The following CATSPER2 variants were observed in gnomAD, a reference collection of about 807,000 sequenced individuals.
CATSPER2 encodes the protein cation channel sperm associated 2, also known as cation channel sperm-associated protein 2.
A neutral mutation model predicts 68.8 loss-of-function variants in CATSPER2; 56 were observed. That is an observed-to-expected ratio of 0.81 (90% CI 0.66 to 1.02). The LOEUF is 1.02. CATSPER2 is among the 50% of genes least tolerant of loss of function. The probability of loss-of-function intolerance (pLI) is 0.00; values close to 1 mark genes in which losing one functional copy is unlikely to be tolerated. For synonymous variants in CATSPER2, 198 were observed against 229.9 expected (o/e 0.86, Z 1.26); for missense variants, 582 against 642.0 (o/e 0.91, Z 1.01).
Position 43,630,269 on chromosome 15 carries a change from A to G in CATSPER2, c.*432T>C, listed in dbSNP as rs1448616608. 1 of 252,580 alleles carries G rather than the reference A, an allele frequency of 4.0e-6. No individual in the cohort carries two copies. 15.6% of individuals were successfully genotyped at this position (252,580 alleles called of 1,614,324 possible). ...GCTGGGACTAGAGGCACACATCACC[A>G]CACTCAGCTTGAACTAACTCTTTTA... On this transcript the variant is annotated 3_prime_UTR_variant, in exon 13 of 13. Coordinates refer to ENST00000396879, the MANE Select transcript of CATSPER2 (RefSeq NM_172095.4).
chr15:43,635,259 T>C, intron 10 of CATSPER2, 101 bp downstream of exon 10: 2 of 1,086,630 alleles, frequency 1.8e-6, no homozygotes, highest in Non-Finnish European at 2.8e-6. Context: ...TATGCAGTTA[T>C]TAAATGAATG....
At position 43,636,142 on chromosome 15, in the gene CATSPER2, C is replaced by G. The variant is rs146701338; in HGVS notation, c.920G>C (p.Trp307Ser). ...GATGCGACTGACTTCAGGCACCTTCCAGACGTCCTGAAGCAGTGCATACCA... is the reference window on the plus strand; with the variant it reads ...GATGCGACTGACTTCAGGCACCTTCGAGACGTCCTGAAGCAGTGCATACCA... ...DHWYALLQDV[W>S]KVPEVSRIFS... Residue 307 changes from tryptophan to serine, a missense_variant, in exon 8 of 13, where the codon TGG becomes TCG. Trp to Ser is a radical substitution (Grantham distance 177). Transcript: ENST00000396879. The G allele has an allele frequency of 3.0e-3, 4,844 of 1,607,824 alleles. 55 individuals carry two copies. Among genetic ancestry groups the G allele is most frequent in the Middle Eastern group, 4.5e-3 (27 of 6,054 alleles).
intron 6 of CATSPER2, 132 bp from the exon 7 acceptor site, chr15:43,639,160 A>T (rs1399003481): frequency 2.9e-6 from 3 of 1,048,402 alleles, no homozygotes; most frequent in Non-Finnish European, 4.3e-6. Context: ...TCTTTGAACC[A>T]TGGCACCTGT....
chr15:43,638,106 C>G (rs963286958), intron 7 of CATSPER2, among the ~76,000 whole-genome samples: 1 of 150,962 alleles, frequency 6.6e-6, no homozygotes, highest in Non-Finnish European at 1.5e-5. Context: ...AGGCGCCCAC[C>G]ACCACACCTG....
chr15:43,630,716 G>T lies in CATSPER2; in HGVS notation c.1578C>A (p.Asn526Lys). 6.2e-7 allele frequency: 1 copy of T among 1,612,024 alleles called. No individual in the cohort carries two copies. Among genetic ancestry groups the T allele is most frequent in the Non-Finnish European group, 8.5e-7 (1 of 1,179,568 alleles). ...LQEFAVQALM[N>K]LEDK The stretch of plus-strand genomic sequence containing the variant: ...ATCCATTGCTTTACTTGTCTTCCAA[G>T]TTCATCAGTGCCTGCACTGCAAAGG... The change falls in exon 13 of 13, where the codon AAC (asparagine) becomes AAA (lysine). Residue 526 changes from asparagine (N) to lysine (K), a missense_variant. By Grantham distance (94) the Asn-to-Lys change is moderately conservative. Around this residue, in one of 5 missense-constraint regions of CATSPER2, gnomAD observed 235 missense variants for 264.2 expected, o/e 0.89. Transcript: ENST00000396879.
Position 43,648,511 on chromosome 15 carries a change from T to C in CATSPER2, c.-3+118A>G, listed in dbSNP as rs2447214. ...GCAAGAGAAACCAAGTGCAGAGAAA[T>C]TGGACAAAATGCCAAAGCCTGACAT... is the stretch of plus-strand genomic sequence containing the variant. On this transcript the variant is annotated intron_variant, in intron 1 of 12. Coordinates refer to ENST00000396879, the MANE Select transcript of CATSPER2 (RefSeq NM_172095.4). 3.5e-5 allele frequency: 37 copies of C among 1,045,594 alleles called. No individual in the cohort carries two copies. In the East Asian group the frequency reaches 7.4e-4, roughly 21 times the overall value. The allele number at this position is 1,045,594 out of a possible 1,614,324, so 64.8% of individuals were successfully genotyped here. A position where few individuals can be genotyped will look rare whatever the true frequency, so the allele number is the denominator to read the frequency against.
intron 7 of CATSPER2, among the ~76,000 whole-genome samples, chr15:43,637,448 G>A (rs1156918232): frequency 6.6e-6 from 1 of 151,684 alleles, no homozygotes; most frequent in Non-Finnish European, 1.5e-5. Context: ...GAAAACATGA[G>A]AGCTTTTATA....
chr15:43,635,791 C>T lies in CATSPER2; in HGVS notation c.1057G>A (p.Glu353Lys). The T allele has an allele frequency of 6.2e-7, 1 of 1,613,560 alleles. No homozygotes were observed. The highest frequency in any genetic ancestry group is 8.5e-7 in the Non-Finnish European group (1 of 1,179,784). Residue 353 changes from glutamate to lysine, a missense_variant, in exon 9 of 13, where the codon GAG becomes AAG. Around this residue, in one of 5 missense-constraint regions of CATSPER2, gnomAD observed 235 missense variants for 264.2 expected, o/e 0.89. Transcript: ENST00000396879. Reference sequence around the variant, plus strand: ...TGAACCTCCCGACGCGCCATCTCCTCATTCAGCTCTTTCCTGATATTCTGA... The same window carrying T: ...TGAACCTCCCGACGCGCCATCTCCTTATTCAGCTCTTTCCTGATATTCTGA... ...NFQNIRKELN[E>K]EMARREVQLK...
At chr15:43,643,545 CA>C (rs1200029762) in intron 4 of CATSPER2, among the ~76,000 whole-genome samples, 2 of 151,744 alleles carry the variant, frequency 1.3e-5, no homozygotes, top group African/African-American at 2.4e-5. Flanking sequence ...CCATGTTGGC[CA>C]GGTTGGTCTT....
intron 4 of CATSPER2, among the ~76,000 whole-genome samples, chr15:43,644,865 C>G (rs2086133448): frequency 1.3e-5 from 2 of 151,928 alleles, no homozygotes; most frequent in African/African-American, 2.4e-5. Flanking sequence ...AGGCTTAGGA[C>G]TATAATTCTA....
At position 43,647,550 on chromosome 15, in the gene CATSPER2, G is replaced by A. The variant is rs1287867475; in HGVS notation, c.146-83C>T. The A allele has an allele frequency of 8.4e-6, 11 of 1,308,992 alleles. 1 individual carries two copies. The East Asian group carries it at 1.2e-4, about 14-fold the overall frequency. The allele number at this position is 1,308,992 out of a possible 1,614,324, so 81.1% of individuals were successfully genotyped here. On this transcript the variant is annotated intron_variant, in intron 2 of 12. Coordinates refer to ENST00000396879, the MANE Select transcript of CATSPER2 (RefSeq NM_172095.4). ...GGTTGGGGGCAGGGATACTGGTCAG[G>A]TAATGGGTTCCCCTAATGCCTTACT...
At chr15:43,638,286 C>CTTTTTTTTTTTTTTTTTTT (rs71460446) in intron 7 of CATSPER2, among the ~76,000 whole-genome samples, 84 of 81,804 alleles carry the variant, frequency 1.0e-3, no homozygotes, top group Non-Finnish European at 1.4e-3. Context: ...TTCTTTCTTT[C>CTTTTTTTTTTTTTTTTTTT]TTTTTTTTTT....
intron 5 of CATSPER2, 72 bp downstream of exon 5, chr15:43,640,252 A>C (rs1467770715): frequency 5.0e-6 from 8 of 1,593,598 alleles, no homozygotes; most frequent in Non-Finnish European, 6.0e-6. Context: ...TTATCATGTT[A>C]ACTTGTTCTT....
intron 10 of CATSPER2, chr15:43,633,333 C>G (rs1205325297): frequency 3.5e-6 from 1 of 283,778 alleles, no homozygotes. Context: ...TAAGTCACTT[C>G]ATGTCACTCC....
chr15:43,644,127 CAA>C (rs1266358593), intron 4 of CATSPER2, among the ~76,000 whole-genome samples: 2 of 151,850 alleles, frequency 1.3e-5, no homozygotes, highest in East Asian at 3.9e-4. Flanking sequence ...GTTTAAAATG[CAA>C]AAGAGAATTA....
chr15:43,638,286 C>CTTTCTTTTTTTTTTTTTTTTTT lies in CATSPER2; in HGVS notation c.842+617_842+618insAAAAAAAAAAAAAAAAAAGAAA, dbSNP rs1354288133. Among the ~76,000 whole-genome samples the CTTTCTTTTTTTTTTTTTTTTTT allele has an allele frequency of 5.3e-4, 43 of 81,834 alleles. 3 individuals carry two copies. The highest frequency in any genetic ancestry group is 2.7e-3 in the African/African-American group (36 of 13,274). 53.7% of individuals were successfully genotyped at this position (81,834 alleles called of 152,430 possible). On this transcript the variant is annotated intron_variant, in intron 7 of 12. Transcript: ENST00000396879. The stretch of plus-strand genomic sequence containing the variant: ...ATTTTTCTTTTCTTTTTCTTTCTTT[C>CTTTCTTTTTTTTTTTTTTTTTT]TTTTTTTTTTTTTTTTTTTTTGAGA...
rs2086223856 is a variant in CATSPER2, at chr15:43,648,813, C to T, written c.-187G>A. The T allele has an allele frequency of 6.5e-7, 1 of 1,533,066 alleles. No individual in the cohort carries two copies. The highest frequency in any genetic ancestry group is 8.7e-7 in the Non-Finnish European group (1 of 1,143,468). 95.0% of individuals were successfully genotyped at this position (1,533,066 alleles called of 1,614,324 possible). Reference sequence around the variant, plus strand: ...CTCACCCCGGGACCCGGCCCTAGCCCCTACCCACAGCCCAGGACCATGCGG... The same window carrying T: ...CTCACCCCGGGACCCGGCCCTAGCCTCTACCCACAGCCCAGGACCATGCGG... On this transcript the variant is annotated 5_prime_UTR_variant, in exon 1 of 13. Coordinates refer to ENST00000396879, the MANE Select transcript of CATSPER2 (RefSeq NM_172095.4).
chr15:43,640,940 A>G (rs2086061386), intron 4 of CATSPER2, among the ~76,000 whole-genome samples: 1 of 151,496 alleles, frequency 6.6e-6, no homozygotes, highest in South Asian at 2.1e-4. Context: ...GAATGTAGAA[A>G]CAAGCCACAA....
In CATSPER2 at chr15:43,632,223, G is replaced by A. The variant is rs148790135; in HGVS notation, c.1537C>T (p.Arg513Cys). ...LEKLQYNLEERKKLQEFAVQA... is the reference protein window; with the variant it reads ...LEKLQYNLEECKKLQEFAVQA... ...CCTGCAAACTCTTGTAACTTCTTAC[G>A]TTCCTCTAGGTTATACTGAAGCTTT... Residue 513 changes from arginine (R) to cysteine (C), a missense_variant, in exon 12 of 13, where the codon CGT becomes TGT. By Grantham distance (180) the Arg-to-Cys change is radical. Coordinates refer to ENST00000396879, the MANE Select transcript of CATSPER2 (RefSeq NM_172095.4). 28 of 1,613,414 alleles carry A rather than the reference G, an allele frequency of 1.7e-5. No individual in the cohort carries two copies. The highest frequency in any genetic ancestry group is 6.7e-5 in the East Asian group (3 of 44,876).
Sources: allele counts gnomAD v4.1 joint callset (sites outside exome capture counted in the v4.1 genomes callset), GRCh38; gene constraint gnomAD v4.1.1; regional missense constraint gnomAD v4.1.1; transcripts MANE v1.5; gene names NCBI Gene and HGNC (gene_info 2026-07-23, HGNC 2026-07-21).